ROBO2: variants seen among roughly 807,000 people sequenced by gnomAD.
ROBO2 encodes roundabout homolog 2.
ROBO2 carries 53 observed loss-of-function variants against 160.8 expected under a neutral mutation model. The ratio of observed to expected loss-of-function variants is 0.33; its 90% CI spans 0.26 to 0.41. The LOEUF is 0.41. Ranked by LOEUF, ROBO2 falls within the 10% of genes least tolerant of loss-of-function variation. The probability of loss-of-function intolerance (pLI) is 1.00; values close to 1 mark genes in which losing one functional copy is unlikely to be tolerated. For missense variants in ROBO2, 1,577 were observed against 1,722.4 expected (o/e 0.92, Z 1.49); for synonymous variants, 664 against 611.7 (o/e 1.09, Z -1.26).
chr3:76,382,542 G>A (rs550262817), intron 2 of ROBO2, among the ~76,000 whole-genome samples: 1 of 152,302 alleles, frequency 6.6e-6, no homozygotes, highest in South Asian at 2.1e-4. Flanking sequence ...AGCCGAGATC[G>A]CGCCCCTGCA....
chr3:77,121,541 C>A (rs1333258838), intron 2 of ROBO2, among the ~76,000 whole-genome samples: 1 of 152,094 alleles, frequency 6.6e-6, no homozygotes, highest in Non-Finnish European at 1.5e-5. Context: ...ATTGTTTTAT[C>A]TGCAAGTAAC....
intron 2 of ROBO2, among the ~76,000 whole-genome samples, chr3:76,305,799 G>T (rs1159440064): frequency 6.6e-6 from 1 of 151,472 alleles, no homozygotes; most frequent in African/African-American, 2.4e-5. Context: ...GGTCTGAAAT[G>T]CATAGTGTAG....
chr3:76,070,157 T>G (rs2068398070), intron 2 of ROBO2, among the ~76,000 whole-genome samples: 1 of 152,230 alleles, frequency 6.6e-6, no homozygotes, highest in South Asian at 2.1e-4. Context: ...GCGACAGCAG[T>G]GTTTAGGAAA....
At chr3:76,145,797 G>A (rs1173002161) in intron 2 of ROBO2, among the ~76,000 whole-genome samples, 2 of 151,928 alleles carry the variant, frequency 1.3e-5, no homozygotes, top group African/African-American at 4.8e-5. Context: ...AGACAAATCT[G>A]AATTGTTTGG....
At chr3:76,301,163 C>T (rs1218871373) in intron 2 of ROBO2, among the ~76,000 whole-genome samples, 1 of 152,010 alleles carries the variant, frequency 6.6e-6, no homozygotes, top group South Asian at 2.1e-4. Flanking sequence ...GGACATTACT[C>T]AGGTGATAAT....
chr3:76,700,630 A>G (rs1023712399), intron 2 of ROBO2, among the ~76,000 whole-genome samples: 1 of 152,112 alleles, frequency 6.6e-6, no homozygotes, highest in Admixed American at 6.6e-5. Context: ...TAATATCCAC[A>G]TTGGAAACTG....
Position 77,605,167 on chromosome 3 carries a change from GA to G in ROBO2, c.3137-2620del, listed in dbSNP as rs11432494. On this transcript the variant is annotated intron_variant, in intron 20 of 25. Transcript: ENST00000461745. ...TGACAGACTGAGACCCTGTCTCAAG[GA>G]AAAAAAAAAAGTATATATATAGTAT... Among the ~76,000 whole-genome samples the G allele has an allele frequency of 3.6e-3, 477 of 132,560 alleles. 2 individuals carry two copies. Among genetic ancestry groups the G allele is most frequent in the African/African-American group, 8.8e-3 (321 of 36,622 alleles). 87.0% of individuals were successfully genotyped at this position (132,560 alleles called of 152,430 possible).
chr3:76,356,355 AG>A (rs1479534560), intron 2 of ROBO2, among the ~76,000 whole-genome samples: 1 of 151,706 alleles, frequency 6.6e-6, no homozygotes, highest in Non-Finnish European at 1.5e-5. Flanking sequence ...TATGCTAAAC[AG>A]GGATAGAATT....
chr3:77,619,288 T>C (rs530780375), intron 22 of ROBO2, among the ~76,000 whole-genome samples: 7 of 152,308 alleles, frequency 4.6e-5, no homozygotes, highest in African/African-American at 1.7e-4. Flanking sequence ...AGACAACCTA[T>C]ATTTCTGATA....
intron 2 of ROBO2, among the ~76,000 whole-genome samples, chr3:76,705,553 G>A (rs2093143134): frequency 6.6e-6 from 1 of 152,114 alleles, no homozygotes; most frequent in Non-Finnish European, 1.5e-5. Flanking sequence ...ATTAGCGAGT[G>A]ATTGAGGACC....
At chr3:77,156,787 C>T (rs2078051715) in intron 2 of ROBO2, among the ~76,000 whole-genome samples, 4 of 149,914 alleles carry the variant, frequency 2.7e-5, no homozygotes. Flanking sequence ...TAAAAATATT[C>T]ATTAGAATAT....
At chr3:76,403,219 A>C (rs2077943006) in intron 2 of ROBO2, among the ~76,000 whole-genome samples, 1 of 151,628 alleles carries the variant, frequency 6.6e-6, no homozygotes, top group African/African-American at 2.4e-5. Flanking sequence ...ATCAGATAGA[A>C]GGAGTATCTC....
intron 2 of ROBO2, among the ~76,000 whole-genome samples, chr3:76,560,616 CAA>C (rs1160642120): frequency 1.2e-4 from 13 of 107,974 alleles, no homozygotes; most frequent in Non-Finnish European, 1.2e-4. Context: ...TCTGATTTCA[CAA>C]AAAAAAAAAA....
At chr3:77,375,179 C>T (rs1395022812) in intron 2 of ROBO2, among the ~76,000 whole-genome samples, 2 of 152,248 alleles carry the variant, frequency 1.3e-5, no homozygotes, top group Non-Finnish European at 2.9e-5. Flanking sequence ...GCTACTGTAC[C>T]CCAGCCTGGG....
chr3:76,449,346 T>A (rs950122027), intron 2 of ROBO2, among the ~76,000 whole-genome samples: 1 of 152,134 alleles, frequency 6.6e-6, no homozygotes, highest in African/African-American at 2.4e-5. Flanking sequence ...TTTTACATAC[T>A]CCACTGTGTA....
chr3:77,569,098 A>G (rs2093571140), intron 13 of ROBO2, among the ~76,000 whole-genome samples: 1 of 152,010 alleles, frequency 6.6e-6, no homozygotes, highest in South Asian at 2.1e-4. Context: ...GTCTATTATG[A>G]ATAATGCTGC....
At chr3:77,031,909 G>A (rs1385658815) in intron 2 of ROBO2, among the ~76,000 whole-genome samples, 1 of 152,028 alleles carries the variant, frequency 6.6e-6, no homozygotes, top group Non-Finnish European at 1.5e-5. Flanking sequence ...AAGCTGGGAA[G>A]TTCAAGATCA....
intron 2 of ROBO2, among the ~76,000 whole-genome samples, chr3:76,096,142 T>A (rs2069444115): frequency 6.6e-6 from 1 of 152,180 alleles, no homozygotes; most frequent in Non-Finnish European, 1.5e-5. Context: ...GTTCTCATGT[T>A]CTGAGAATCC....
intron 2 of ROBO2, among the ~76,000 whole-genome samples, chr3:76,269,686 A>C (rs1402497651): frequency 2.6e-5 from 4 of 151,858 alleles, no homozygotes; most frequent in African/African-American, 9.7e-5. Context: ...CATAATTATA[A>C]CCTCCCTTAC....
Sources: gnomAD v4.1 joint callset for allele counts (sites outside exome capture counted in the v4.1 genomes callset) on GRCh38, gnomAD v4.1.1 for gene constraint, MANE v1.5 for transcripts, NCBI Gene and HGNC (gene_info 2026-07-23, HGNC 2026-07-21) for gene names.